Variants in WASF3 observed in about 807,000 individuals in gnomAD.
WASF3 encodes the protein actin-binding protein WASF3.
WASF3 carries 11 observed loss-of-function variants against 46.6 expected under a neutral mutation model. The observed-to-expected ratio is 0.24, with a 90% CI of 0.15 to 0.39. WASF3 has a LOEUF of 0.39. Ranked by LOEUF, WASF3 falls within the 10% of genes least tolerant of loss-of-function variation. The probability of loss-of-function intolerance (pLI) is 1.00; values close to 1 mark genes in which losing one functional copy is unlikely to be tolerated. For missense variants in WASF3, 576 were observed against 669.8 expected (o/e 0.86, Z 1.55); for synonymous variants, 242 against 259.7 (o/e 0.93, Z 0.65).
chr13:26,586,259 TTATTGG>T (rs200053615), intron 1 of WASF3, among the ~76,000 whole-genome samples: 4,415 of 152,300 alleles, frequency 0.029, 92 homozygotes, highest in South Asian at 0.046. Flanking sequence ...TTTTCGCTCT[TTATTGG>T]TTTTATTTTG....
In WASF3 at chr13:26,559,168, C is replaced by A. The variant is rs1236352251; in HGVS notation, c.-109+1349C>A. The stretch of plus-strand genomic sequence containing the variant: ...ATTGTGTCCTCTCCAGCTCCCTTCT[C>A]CCAGGGTTCTAATGACTTCAGTGTA... On this transcript the variant is annotated intron_variant, in intron 1 of 9. Transcript: ENST00000335327. Among the ~76,000 whole-genome samples, 16 of 152,298 alleles carry A rather than the reference C, an allele frequency of 1.1e-4. No individual in the cohort carries two copies. The South Asian group carries it at 1.2e-3, about 12-fold the overall frequency.
intron 3 of WASF3, among the ~76,000 whole-genome samples, chr13:26,645,300 G>C (rs962386111): frequency 6.6e-6 from 1 of 152,104 alleles, no homozygotes; most frequent in African/African-American, 2.4e-5. Context: ...GAAGAAGAGA[G>C]AGCAACCCTC....
At chr13:26,669,728 G>A (rs1364695768) in intron 5 of WASF3, among the ~76,000 whole-genome samples, 2 of 152,144 alleles carry the variant, frequency 1.3e-5, no homozygotes, top group Non-Finnish European at 2.9e-5. Flanking sequence ...TGGTCAGGCT[G>A]GTCTCAAACT....
intron 1 of WASF3, among the ~76,000 whole-genome samples, chr13:26,563,732 T>A (rs984557638): frequency 6.7e-5 from 10 of 150,368 alleles, no homozygotes; most frequent in Non-Finnish European, 5.9e-5. Context: ...CCAAAGATGC[T>A]TCTGTTTCTT....
chr13:26,577,750 G>A, intron 1 of WASF3: 1 of 677,316 alleles, frequency 1.5e-6, no homozygotes, highest in Non-Finnish European at 2.6e-6. Flanking sequence ...CCAGGAAATT[G>A]ACATTGGTAC....
chr13:26,580,744 G>T (rs1451853746), intron 1 of WASF3, among the ~76,000 whole-genome samples: 1 of 151,186 alleles, frequency 6.6e-6, no homozygotes, highest in Non-Finnish European at 1.5e-5. Context: ...TTCTGCCTCA[G>T]CCTCCCGAGT....
At chr13:26,578,835 A>G (rs1464720274) in intron 1 of WASF3, among the ~76,000 whole-genome samples, 2 of 151,958 alleles carry the variant, frequency 1.3e-5, no homozygotes, top group African/African-American at 4.8e-5. Flanking sequence ...ATATCATTTA[A>G]CATCTTTTCT....
intron 2 of WASF3, among the ~76,000 whole-genome samples, chr13:26,616,369 G>A (rs1247517182): frequency 6.6e-6 from 1 of 152,090 alleles, no homozygotes; most frequent in Non-Finnish European, 1.5e-5. Flanking sequence ...ATGCTGTTGA[G>A]CATTTTTCAT....
intron 1 of WASF3, among the ~76,000 whole-genome samples, chr13:26,596,896 C>G (rs948380562): frequency 4.6e-5 from 7 of 152,162 alleles, no homozygotes; most frequent in Non-Finnish European, 5.9e-5. Flanking sequence ...TGAGTTCTTT[C>G]TTTCTGAAAT....
At chr13:26,608,187 C>T (rs1316665555) in intron 1 of WASF3, among the ~76,000 whole-genome samples, 2 of 152,122 alleles carry the variant, frequency 1.3e-5, no homozygotes, top group African/African-American at 2.4e-5. Flanking sequence ...ACTCATGGAT[C>T]TTTACAATGC....
At chr13:26,660,698 G>GT (rs985222393) in intron 3 of WASF3, among the ~76,000 whole-genome samples, 1 of 151,770 alleles carries the variant, frequency 6.6e-6, no homozygotes, top group South Asian at 2.1e-4. Flanking sequence ...TCTTCTCCAG[G>GT]TTTTTAAAAA....
At position 26,679,489 on chromosome 13, in the gene WASF3, C is replaced by T. The variant is rs1883162477; in HGVS notation, c.717-1565C>T. 6.6e-6 allele frequency among the ~76,000 whole-genome samples: 1 copy of T among 152,192 alleles called. No homozygotes were observed. Among genetic ancestry groups the T allele is most frequent in the Admixed American group, 6.5e-5 (1 of 15,284 alleles). On this transcript the variant is annotated intron_variant, in intron 7 of 9. Coordinates refer to ENST00000335327, the MANE Select transcript of WASF3 (RefSeq NM_006646.6). This position sits in a 1 kb window ranked among gnomAD's most constrained non-coding sequence, Gnocchi z 4.8. ...CCTTTCTACCCTGTGTTGCAAGGCT[C>T]CTTGATAGGGATCGCCCTCCTAGTT...
chr13:26,671,854 C>G lies in WASF3; in HGVS notation c.423-18C>G. 6.6e-7 allele frequency: 1 copy of G among 1,513,728 alleles called. No individual in the cohort carries two copies. The highest frequency in any genetic ancestry group is 9.0e-7 in the Non-Finnish European group (1 of 1,115,890). 93.8% of individuals were successfully genotyped at this position (1,513,728 alleles called of 1,614,324 possible). ...TAACAATCTTTTCTTCCCTGACTTA[C>G]AATACATTGATTTGTAGAGATGACA... On this transcript the variant is annotated intron_variant, in intron 5 of 9. Transcript: ENST00000335327.
chr13:26,643,225 G>T (rs980326240), intron 3 of WASF3, among the ~76,000 whole-genome samples: 3 of 152,030 alleles, frequency 2.0e-5, no homozygotes, highest in African/African-American at 7.2e-5. Flanking sequence ...AGTTTAGGTG[G>T]TTTATGTGGC....
At chr13:26,555,478 G>T (rs944707953), upstream of WASF3, among the ~76,000 whole-genome samples, 3 of 152,002 alleles carry the variant, frequency 2.0e-5, no homozygotes, top group East Asian at 1.9e-4. Flanking sequence ...GCAGCTAAAG[G>T]TGGTCATGTG....
intron 3 of WASF3, among the ~76,000 whole-genome samples, chr13:26,660,082 T>G (rs1429606371): frequency 6.6e-6 from 1 of 151,878 alleles, no homozygotes. Context: ...GAGGTTGGAA[T>G]ATTTAACACA....
At chr13:26,576,448 A>G (rs1301307758) in intron 1 of WASF3, among the ~76,000 whole-genome samples, 1 of 152,172 alleles carries the variant, frequency 6.6e-6, no homozygotes, top group East Asian at 1.9e-4. Flanking sequence ...GGAATTTCAG[A>G]AGTACTGAGG....
the WASF3 span, among the ~76,000 whole-genome samples, chr13:26,548,367 C>G: frequency 2.0e-5 from 3 of 152,170 alleles, no homozygotes; most frequent in African/African-American, 7.2e-5. Context: ...TCCCCTGGGT[C>G]CTATCCCTGA....
At position 26,687,139 on chromosome 13, in the gene WASF3, C is replaced by G. The variant is rs920481233; in HGVS notation, c.*1294C>G. The G allele has an allele frequency of 6.6e-6, 1 of 152,238 alleles. No individual in the cohort carries two copies. The highest frequency in any genetic ancestry group is 2.4e-5 in the African/African-American group (1 of 41,460). 9.4% of individuals were successfully genotyped at this position (152,238 alleles called of 1,614,324 possible). A position where few individuals can be genotyped will look rare whatever the true frequency, so the allele number is the denominator to read the frequency against. The stretch of plus-strand genomic sequence containing the variant: ...CCATGGGGAAACTCAAGAATGACAG[C>G]TTCTATATTTTGTAATTCTGGATGA... On this transcript the variant is annotated 3_prime_UTR_variant, in exon 10 of 10. Transcript: ENST00000335327.
Sources: allele counts gnomAD v4.1 joint callset (sites outside exome capture counted in the v4.1 genomes callset), GRCh38; gene constraint gnomAD v4.1.1; non-coding constraint Gnocchi (gnomAD v3.1); transcripts MANE v1.5; gene names NCBI Gene and HGNC (gene_info 2026-07-23, HGNC 2026-07-21).